Variants in DIS3L2 observed in about 807,000 individuals in gnomAD.
The protein encoded by DIS3L2 is DIS3 like 3'-5' exoribonuclease 2, also known as DIS3-like exonuclease 2.
In DIS3L2, 34 loss-of-function variants were observed where a neutral mutation model predicts 97.5. That is an observed-to-expected ratio of 0.35 (90% CI 0.27 to 0.46). The LOEUF is 0.46. Ranked by LOEUF, DIS3L2 falls within the 20% of genes least tolerant of loss-of-function variation. DIS3L2 has a pLI of 1.00. For missense variants in DIS3L2, 1,038 were observed against 1,146.0 expected (o/e 0.91, Z 1.36); for synonymous variants, 435 against 445.2 (o/e 0.98, Z 0.29).
chr2:232,260,459 C>G (rs1374581062), intron 12 of DIS3L2: 1 of 152,250 alleles, frequency 6.6e-6, no homozygotes, highest in Non-Finnish European at 1.5e-5. Context: ...GGAATTGACT[C>G]TACAGTTGCT....
chr2:232,191,387 G>C (rs768857928), intron 9 of DIS3L2, among the ~76,000 whole-genome samples: 10 of 152,156 alleles, frequency 6.6e-5, no homozygotes, highest in Non-Finnish European at 1.2e-4. Context: ...TCAGAGCCAA[G>C]GGTGGTAAAT....
At chr2:232,147,206 A>G (rs1690241990) in intron 8 of DIS3L2, among the ~76,000 whole-genome samples, 1 of 152,146 alleles carries the variant, frequency 6.6e-6, no homozygotes, top group Non-Finnish European at 1.5e-5. Flanking sequence ...CCTGGGCTCA[A>G]GTGATCCTCC....
chr2:232,147,832 A>G (rs1358063681), intron 8 of DIS3L2, among the ~76,000 whole-genome samples: 2 of 152,198 alleles, frequency 1.3e-5, no homozygotes, highest in African/African-American at 4.8e-5. Flanking sequence ...TCAGTTCCCT[A>G]GTAGAATTTG....
intron 20 of DIS3L2, chr2:232,336,161 G>A (rs1453611810): frequency 2.0e-6 from 3 of 1,533,522 alleles, no homozygotes; most frequent in Admixed American, 4.0e-5. Context: ...AGAACCTGAT[G>A]AAAGCTATGA....
intron 14 of DIS3L2, among the ~76,000 whole-genome samples, chr2:232,324,838 T>A (rs1402140280): frequency 6.6e-6 from 1 of 152,180 alleles, no homozygotes; most frequent in Admixed American, 6.5e-5. Flanking sequence ...TGAGATTACA[T>A]GAGCTTAAGA....
At chr2:232,283,515 C>T (rs955478213) in intron 13 of DIS3L2, among the ~76,000 whole-genome samples, 7 of 152,194 alleles carry the variant, frequency 4.6e-5, no homozygotes, top group African/African-American at 1.7e-4. Context: ...CCTCTGCACC[C>T]CCATAGTGTT....
intron 1 of DIS3L2, among the ~76,000 whole-genome samples, chr2:231,963,952 C>T (rs563081777): frequency 6.6e-6 from 1 of 152,314 alleles, no homozygotes; most frequent in East Asian, 1.9e-4. Flanking sequence ...CTCCTAGGCT[C>T]AAAAGATCTG....
rs76588584 is a variant in DIS3L2, at chr2:232,137,828, T to A, written c.950+1109T>A. 3.6e-3 allele frequency among the ~76,000 whole-genome samples: 544 copies of A among 152,312 alleles called. 5 individuals are homozygous for A. Among genetic ancestry groups the A allele is most frequent in the African/African-American group, 0.012 (517 of 41,550 alleles). ...CTTTTTTTCCTCTCAAGTGGTGTGATTGCAATGTCATCATTTTTAAGCCTA... is the reference window on the plus strand; with the variant it reads ...CTTTTTTTCCTCTCAAGTGGTGTGAATGCAATGTCATCATTTTTAAGCCTA... On this transcript the variant is annotated intron_variant, in intron 8 of 20. Transcript: ENST00000325385.
intron 6 of DIS3L2, among the ~76,000 whole-genome samples, chr2:232,107,763 C>A (rs1363444188): frequency 6.6e-6 from 1 of 152,098 alleles, no homozygotes. Flanking sequence ...TCAGAGAATA[C>A]TATAAACACC....
chr2:232,212,471 T>C (rs1013778941), intron 10 of DIS3L2, among the ~76,000 whole-genome samples: 12 of 152,312 alleles, frequency 7.9e-5, no homozygotes, highest in African/African-American at 2.9e-4. Flanking sequence ...AGCAGGCACA[T>C]GTCCTGCCGT....
chr2:232,083,609 C>G (rs1450722582), intron 5 of DIS3L2, among the ~76,000 whole-genome samples: 1 of 151,940 alleles, frequency 6.6e-6, no homozygotes, highest in Non-Finnish European at 1.5e-5. Context: ...ATTCTCTTGC[C>G]TCAGCCTCCT....
At chr2:231,969,027 G>A (rs1481515493) in intron 1 of DIS3L2, among the ~76,000 whole-genome samples, 6 of 152,050 alleles carry the variant, frequency 3.9e-5, no homozygotes, top group South Asian at 2.1e-4. Flanking sequence ...CTTGCCTGCC[G>A]CCGCCGTGTA....
intron 1 of DIS3L2, among the ~76,000 whole-genome samples, chr2:231,991,018 A>G (rs1693570473): frequency 6.6e-6 from 1 of 151,000 alleles, no homozygotes; most frequent in Admixed American, 6.6e-5. Flanking sequence ...TGATCCTCCT[A>G]CCTCAGCCTC....
rs989588760 is a variant in DIS3L2, at chr2:231,981,483, C to T, written c.-94+19718C>T. ...CATAGTCTCTTTTCCAATATTTATT[C>T]CTCTTCCTTTTCTGATTATGTTGGC... On this transcript the variant is annotated intron_variant, in intron 1 of 20. Coordinates refer to ENST00000325385, the MANE Select transcript of DIS3L2 (RefSeq NM_152383.5). Among the ~76,000 whole-genome samples, 17 of 150,080 alleles carry T rather than the reference C, an allele frequency of 1.1e-4. 1 individual carries two copies. The East Asian group carries it at 2.7e-3, about 24-fold the overall frequency.
intron 10 of DIS3L2, among the ~76,000 whole-genome samples, chr2:232,230,448 C>G (rs1692758496): frequency 6.6e-6 from 1 of 152,192 alleles, no homozygotes; most frequent in African/African-American, 2.4e-5. Context: ...ATACTGTTTT[C>G]TATCTCTGTT....
chr2:232,035,128 A>T (rs1169563500), intron 5 of DIS3L2, among the ~76,000 whole-genome samples: 1 of 152,138 alleles, frequency 6.6e-6, no homozygotes, highest in Non-Finnish European at 1.5e-5. Context: ...ATTGTGTGGG[A>T]GTCTAAGTCT....
chr2:232,059,114 A>G (rs542776852), intron 5 of DIS3L2, among the ~76,000 whole-genome samples: 2 of 152,316 alleles, frequency 1.3e-5, no homozygotes, highest in South Asian at 4.1e-4. Context: ...TCAGCTGTAA[A>G]AATTTGTTCT....
rs552108215 is a variant in DIS3L2 at position 232,055,249 on chromosome 2, G to A, written c.366+25169G>A. On this transcript the variant is annotated intron_variant, in intron 5 of 20. Transcript: ENST00000325385. Reference sequence around the variant, plus strand: ...CGTAGACTGTAGTTAATGCGATAAAGCAAGAAAAAAGACATGAGGATTGGG... The same window carrying A: ...CGTAGACTGTAGTTAATGCGATAAAACAAGAAAAAAGACATGAGGATTGGG... Among the ~76,000 whole-genome samples, 4 of 152,216 alleles carry A rather than the reference G, an allele frequency of 2.6e-5. No individual in the cohort carries two copies. In the South Asian group the frequency reaches 6.2e-4, roughly 24 times the overall value.
At chr2:232,208,162 C>T (rs1453352217) in intron 9 of DIS3L2, among the ~76,000 whole-genome samples, 1 of 152,106 alleles carries the variant, frequency 6.6e-6, no homozygotes, top group Non-Finnish European at 1.5e-5. Context: ...AGATTTAGTT[C>T]CACTCCCCCT....
Sources: gnomAD v4.1 joint callset for allele counts (sites outside exome capture counted in the v4.1 genomes callset) on GRCh38, gnomAD v4.1.1 for gene constraint, MANE v1.5 for transcripts, NCBI Gene and HGNC (gene_info 2026-07-23, HGNC 2026-07-21) for gene names.